ELAVL2: variants seen among roughly 807,000 people sequenced by gnomAD.
ELAVL2 encodes the protein ELAV-like protein 2.
In ELAVL2, 4 loss-of-function variants were observed where a neutral mutation model predicts 34.6. That is an observed-to-expected ratio of 0.12 (90% CI 0.06 to 0.26). ELAVL2 has a LOEUF of 0.26. ELAVL2 is among the 10% of genes least tolerant of loss of function. The probability of loss-of-function intolerance (pLI) is 1.00; values close to 1 mark genes in which losing one functional copy is unlikely to be tolerated. For missense variants in ELAVL2, 432 were observed against 442.8 expected (o/e 0.98, Z 0.22); for synonymous variants, 193 against 154.8 (o/e 1.25, Z -1.83).
chr9:23,784,015 A>C (rs1382016096), intron 1 of ELAVL2, among the ~76,000 whole-genome samples: 1 of 152,072 alleles, frequency 6.6e-6, no homozygotes, highest in African/African-American at 2.4e-5. Flanking sequence ...TAACACGGTG[A>C]AACCCCGTCT....
At chr9:23,792,990 T>C (rs912243005) in intron 1 of ELAVL2, among the ~76,000 whole-genome samples, 2 of 152,136 alleles carry the variant, frequency 1.3e-5, no homozygotes, top group African/African-American at 2.4e-5. Context: ...TTGTTGAGAC[T>C]GGTCTTGAAC....
Position 23,698,132 on chromosome 9 carries a change from C to A in ELAVL2, c.713+3247G>T, listed in dbSNP as rs528601666. 1.1e-3 allele frequency among the ~76,000 whole-genome samples: 161 copies of A among 152,240 alleles called. No homozygotes were observed. In the Middle Eastern group the frequency reaches 0.014, roughly 13 times the overall value. ...ATGCATAAAGGCTCATAGAAGCAGG[C>A]ACACAGGTCATTACACTAGATCATA... On this transcript the variant is annotated intron_variant, in intron 5 of 6. Coordinates refer to ENST00000397312, the MANE Select transcript of ELAVL2 (RefSeq NM_004432.5).
At chr9:23,710,763 C>G (rs993780228) in intron 3 of ELAVL2, among the ~76,000 whole-genome samples, 5 of 152,164 alleles carry the variant, frequency 3.3e-5, no homozygotes, top group Non-Finnish European at 7.4e-5. Flanking sequence ...GTGGGACTAT[C>G]TGAAAAATGA....
chr9:23,807,136 T>C (rs2062341466), intron 1 of ELAVL2, among the ~76,000 whole-genome samples: 1 of 152,158 alleles, frequency 6.6e-6, no homozygotes, highest in Admixed American at 6.5e-5. Context: ...ATATTAAAAA[T>C]AAAACTGTTT....
intron 1 of ELAVL2, among the ~76,000 whole-genome samples, chr9:23,816,824 T>C (rs1446830042): frequency 6.6e-6 from 1 of 152,172 alleles, no homozygotes; most frequent in Admixed American, 6.5e-5. Flanking sequence ...ATAACATAAA[T>C]GTTCTGAGCA....
At chr9:23,767,452 T>C (rs2056511908) in intron 1 of ELAVL2, among the ~76,000 whole-genome samples, 1 of 152,140 alleles carries the variant, frequency 6.6e-6, no homozygotes, top group Admixed American at 6.5e-5. Flanking sequence ...TCAAACCTCT[T>C]GCAGACAGCC....
chr9:23,776,774 C>T (rs2058267049), intron 1 of ELAVL2, among the ~76,000 whole-genome samples: 5 of 142,230 alleles, frequency 3.5e-5, no homozygotes, highest in Admixed American at 3.5e-4. Context: ...ATGGCAAAAT[C>T]ACTGCTGCTA....
In ELAVL2 at chr9:23,701,416, A is replaced by C; in HGVS notation, c.676T>G (p.Tyr226Asp). The change falls in exon 5 of 7, where the codon TAT (tyrosine) becomes GAT (aspartate). Residue 226 changes from tyrosine to aspartate, a missense_variant. Tyr to Asp is a radical substitution (Grantham distance 160, BLOSUM62 -3). Coordinates refer to ENST00000397312, the MANE Select transcript of ELAVL2 (RefSeq NM_004432.5). ...GCCTGCTGAGCTAGCGGTCCTGGAT[A>C]CCTTCTGTTTGGAGACTGGTACAGC... is the stretch of plus-strand genomic sequence containing the variant. The part of the protein sequence containing the change: ...SQLYQSPNRR[Y>D]PGPLAQQAQR... The C allele has an allele frequency of 6.2e-7, 1 of 1,614,072 alleles. No homozygotes were observed. The highest frequency in any genetic ancestry group is 8.5e-7 in the Non-Finnish European group (1 of 1,179,978).
chr9:23,759,778 AT>A (rs1564324721), intron 2 of ELAVL2, among the ~76,000 whole-genome samples: 24 of 138,880 alleles, frequency 1.7e-4, no homozygotes, highest in Admixed American at 6.5e-4. Flanking sequence ...ATATATATAT[AT>A]ATATATATAT....
At chr9:23,725,282 A>G (rs1037385184) in intron 3 of ELAVL2, among the ~76,000 whole-genome samples, 4 of 152,168 alleles carry the variant, frequency 2.6e-5, no homozygotes, top group African/African-American at 9.7e-5. Flanking sequence ...TCTATAACGC[A>G]TAACTCAGGC....
At chr9:23,710,523 A>G (rs1368833756) in intron 3 of ELAVL2, among the ~76,000 whole-genome samples, 1 of 152,186 alleles carries the variant, frequency 6.6e-6, no homozygotes. Context: ...CTCTTTTTTA[A>G]ACTAAAAACA....
Position 23,705,007 on chromosome 9 carries a change from G to C in ELAVL2, c.398C>G (p.Pro133Arg). 1 of 1,614,084 alleles carries C rather than the reference G, an allele frequency of 6.2e-7. No individual in the cohort carries two copies. Among genetic ancestry groups the C allele is most frequent in the Non-Finnish European group, 8.5e-7 (1 of 1,179,992 alleles). Residue 133 changes from proline (P) to arginine (R), a missense_variant, in exon 4 of 7, where the codon CCA becomes CGA. Around this residue, in one of 3 missense-constraint regions of ELAVL2, gnomAD observed 295 missense variants for 306.1 expected, o/e 0.96. Transcript: ENST00000397312. ...CAACTCCTTCTGGGTCATTGTTTTT[G>C]GAAGTCCGCTGACATATAAATTTGC... Reference protein sequence around the residue: ...RDANLYVSGLPKTMTQKELEQ... With the variant: ...RDANLYVSGLRKTMTQKELEQ...
chr9:23,786,510 T>TA (rs11410592), intron 1 of ELAVL2, among the ~76,000 whole-genome samples: 4,834 of 148,874 alleles, frequency 0.032, 246 homozygotes, highest in Admixed American at 0.14. Context: ...TTTCACACTT[T>TA]AAAAAAAAAA....
At position 23,765,179 on chromosome 9, in the gene ELAVL2, G is replaced by A. The variant is rs878977641; in HGVS notation, c.-15-2930C>T. ...AATCAGTTTGTACAAAATTTACAGT[G>A]ATTGTATTGATATTCCCAGCACGTC... On this transcript the variant is annotated intron_variant, in intron 1 of 6. Transcript: ENST00000397312. 63 of 1,290,982 alleles carry A rather than the reference G, an allele frequency of 4.9e-5. 1 individual carries two copies. In the Middle Eastern group the frequency reaches 5.7e-4, roughly 12 times the overall value. The allele number at this position is 1,290,982 out of a possible 1,614,324, so 80.0% of individuals were successfully genotyped here.
intron 1 of ELAVL2, chr9:23,783,563 ACAG>A (rs1232278085): frequency 4.5e-6 from 4 of 885,598 alleles, no homozygotes; most frequent in Non-Finnish European, 5.4e-6. Context: ...CTAAAAGGAC[ACAG>A]AAGAAAACAG....
At chr9:23,784,402 G>C (rs1200569530) in intron 1 of ELAVL2, among the ~76,000 whole-genome samples, 2 of 152,152 alleles carry the variant, frequency 1.3e-5, no homozygotes, top group Admixed American at 1.3e-4. Context: ...TGCAGATTAA[G>C]TGACATTTAA....
chr9:23,805,929 T>C lies in ELAVL2; in HGVS notation c.-16+19877A>G, dbSNP rs569845803. Among the ~76,000 whole-genome samples the C allele has an allele frequency of 4.6e-5, 7 of 152,224 alleles. No homozygotes were observed. In the East Asian group the frequency reaches 1.2e-3, roughly 25 times the overall value. The stretch of plus-strand genomic sequence containing the variant: ...ACATGTAAAAAGCATAGTTTCAGCT[T>C]AGTCAAAGTGGTTACAGAAGCATCA... On this transcript the variant is annotated intron_variant, in intron 1 of 6. Transcript: ENST00000397312.
At chr9:23,749,663 G>A (rs947193611) in intron 2 of ELAVL2, among the ~76,000 whole-genome samples, 1 of 152,076 alleles carries the variant, frequency 6.6e-6, no homozygotes, top group African/African-American at 2.4e-5. Context: ...AAGTGAGGGT[G>A]CAGAACGTGA....
chr9:23,830,624 A>ACACACACACC (rs34847005), upstream of ELAVL2, among the ~76,000 whole-genome samples: 1 of 124,074 alleles, frequency 8.1e-6, no homozygotes, highest in African/African-American at 2.9e-5. Context: ...ACACACACAC[A>ACACACACACC]CCTTTTTTTT....
Sources: gnomAD v4.1 joint callset for allele counts (sites outside exome capture counted in the v4.1 genomes callset) on GRCh38, gnomAD v4.1.1 for gene constraint, gnomAD v4.1.1 regional missense constraint, MANE v1.5 for transcripts, NCBI Gene and HGNC (gene_info 2026-07-23, HGNC 2026-07-21) for gene names.